The following PTN variants were observed in gnomAD, a reference collection of about 807,000 sequenced individuals.
The protein encoded by PTN is heparin affin regulatory protein.
Under a neutral mutation model 24.1 loss-of-function variants are expected in PTN, and 18 were observed. The observed-to-expected ratio is 0.75, with a 90% CI of 0.52 to 1.11. The LOEUF (loss-of-function observed/expected upper bound fraction) is 1.11. Among genes scored for constraint, PTN ranks in the 50% least tolerant of loss-of-function variants. PTN has a pLI of 0.00. For missense variants in PTN, 163 were observed against 198.8 expected (o/e 0.82, Z 1.08); for synonymous variants, 78 against 68.6 (o/e 1.14, Z -0.67).
At chr7:137,313,080 C>CT (rs61460077) in intron 1 of PTN, among the ~76,000 whole-genome samples, 52,887 of 90,808 alleles carry the variant, frequency 0.58, 10,939 homozygotes, top group Admixed American at 0.69. Context: ...TCTCGTTCCC[C>CT]CCTCTCATTC....
intron 1 of PTN, among the ~76,000 whole-genome samples, chr7:137,335,644 G>C (rs962679287): frequency 3.3e-5 from 5 of 152,146 alleles, no homozygotes; most frequent in African/African-American, 1.2e-4. Flanking sequence ...TCACCTGGGA[G>C]CTTGGCAGAA....
At chr7:137,294,354 A>T (rs575405353) in intron 1 of PTN, among the ~76,000 whole-genome samples, 1 of 152,236 alleles carries the variant, frequency 6.6e-6, no homozygotes, top group East Asian at 1.9e-4. Flanking sequence ...CCCACACAGG[A>T]GTACACTGGG....
intron 1 of PTN, among the ~76,000 whole-genome samples, chr7:137,298,188 T>C (rs1413005731): frequency 6.6e-6 from 1 of 152,046 alleles, no homozygotes; most frequent in Non-Finnish European, 1.5e-5. Context: ...TTTTTGACAG[T>C]CCTGAGGTTT....
intron 1 of PTN, among the ~76,000 whole-genome samples, chr7:137,301,186 C>G (rs1184018429): frequency 6.6e-6 from 1 of 151,814 alleles, no homozygotes; most frequent in East Asian, 1.9e-4. Flanking sequence ...ATAAAATAGG[C>G]AATGTGGGGA....
At chr7:137,261,667 A>C (rs902709132) in intron 1 of PTN, among the ~76,000 whole-genome samples, 3 of 152,228 alleles carry the variant, frequency 2.0e-5, no homozygotes, top group Non-Finnish European at 4.4e-5. Flanking sequence ...GGGAGCATTC[A>C]GAACGAAGAC....
chr7:137,335,761 T>C (rs1810437352), intron 1 of PTN, among the ~76,000 whole-genome samples: 1 of 152,190 alleles, frequency 6.6e-6, no homozygotes, highest in Non-Finnish European at 1.5e-5. Context: ...AGCTATCATG[T>C]AAATGAACTG....
At chr7:137,240,082 C>G (rs1808602425) in intron 4 of PTN, among the ~76,000 whole-genome samples, 1 of 152,160 alleles carries the variant, frequency 6.6e-6, no homozygotes, top group Admixed American at 6.6e-5. Flanking sequence ...GAGGCTTTCC[C>G]CGATTACTCT....
intron 1 of PTN, among the ~76,000 whole-genome samples, chr7:137,302,144 AT>A (rs1464085189): frequency 1.3e-5 from 2 of 152,026 alleles, no homozygotes; most frequent in Non-Finnish European, 2.9e-5. Context: ...GCTTAAAAAG[AT>A]GTTGTGCATA....
chr7:137,244,866 C>T (rs561587237), intron 4 of PTN, among the ~76,000 whole-genome samples: 1 of 152,054 alleles, frequency 6.6e-6, no homozygotes, highest in Non-Finnish European at 1.5e-5. Context: ...AATTTTAAGG[C>T]AATTTTTAAC....
intron 1 of PTN, among the ~76,000 whole-genome samples, chr7:137,310,908 C>T (rs2128879802): frequency 6.6e-6 from 1 of 152,234 alleles, no homozygotes; most frequent in South Asian, 2.1e-4. Flanking sequence ...AACTTTTCTT[C>T]TGCAGCTTCC....
intron 1 of PTN, among the ~76,000 whole-genome samples, chr7:137,340,582 A>G (rs1810518159): frequency 1.3e-5 from 2 of 152,238 alleles, no homozygotes; most frequent in East Asian, 1.9e-4. Flanking sequence ...AAGAAGGTTC[A>G]TATCTGAGTA....
intron 1 of PTN, among the ~76,000 whole-genome samples, chr7:137,338,963 G>C (rs1184216002): frequency 6.6e-6 from 1 of 152,034 alleles, no homozygotes; most frequent in Non-Finnish European, 1.5e-5. Flanking sequence ...AAAGCATTTG[G>C]AGAGGAGAGA....
chr7:137,229,061 C>T (rs1358737398), intron 4 of PTN, among the ~76,000 whole-genome samples: 1 of 151,790 alleles, frequency 6.6e-6, no homozygotes, highest in African/African-American at 2.4e-5. Flanking sequence ...GATTACTCAT[C>T]TTTAAATAGG....
intron 1 of PTN, among the ~76,000 whole-genome samples, chr7:137,294,952 A>G (rs748167642): frequency 3.3e-5 from 5 of 152,252 alleles, no homozygotes; most frequent in Admixed American, 6.5e-5. Context: ...TAAAAAAGAA[A>G]TAAAATAACT....
At chr7:137,257,515 T>C (rs1233672195) in intron 1 of PTN, among the ~76,000 whole-genome samples, 1 of 152,218 alleles carries the variant, frequency 6.6e-6, no homozygotes, top group African/African-American at 2.4e-5. Flanking sequence ...ATATCTTTCA[T>C]AATGTACTCA....
intron 3 of PTN, among the ~76,000 whole-genome samples, chr7:137,252,808 G>T (rs1009402053): frequency 6.6e-6 from 1 of 151,922 alleles, no homozygotes; most frequent in African/African-American, 2.4e-5. Flanking sequence ...AAAGTGTTGA[G>T]AGATCCTGTC....
chr7:137,235,620 G>C (rs1233694353), intron 4 of PTN, among the ~76,000 whole-genome samples: 4 of 152,064 alleles, frequency 2.6e-5, no homozygotes, highest in African/African-American at 9.7e-5. Context: ...AGCATCAATT[G>C]TTTCATTTCC....
chr7:137,281,441 C>T (rs771327038), intron 1 of PTN, among the ~76,000 whole-genome samples: 3 of 152,190 alleles, frequency 2.0e-5, no homozygotes, highest in Admixed American at 6.5e-5. Context: ...ATGATACCTA[C>T]ACCTCTCCTC....
chr7:137,296,622 A>G (rs1809721925), intron 1 of PTN, among the ~76,000 whole-genome samples: 1 of 152,006 alleles, frequency 6.6e-6, no homozygotes, highest in Non-Finnish European at 1.5e-5. Flanking sequence ...ATTGTGGCCA[A>G]TTGTTTGGGG....
Sources: gnomAD v4.1 joint callset for allele counts (sites outside exome capture counted in the v4.1 genomes callset) on GRCh38, gnomAD v4.1.1 for gene constraint, MANE v1.5 for transcripts, NCBI Gene and HGNC (gene_info 2026-07-23, HGNC 2026-07-21) for gene names.